DIAPH2: variants seen among roughly 807,000 people sequenced by gnomAD.
DIAPH2 encodes protein diaphanous homolog 2.
Under a neutral mutation model 92.7 loss-of-function variants are expected in DIAPH2, and 35 were observed. The ratio of observed to expected loss-of-function variants is 0.38; its 90% CI spans 0.29 to 0.50. The LOEUF is 0.50. Among genes scored for constraint, DIAPH2 ranks in the 20% least tolerant of loss-of-function variants. DIAPH2 has a pLI of 0.94. For missense variants in DIAPH2, 701 were observed against 819.5 expected (o/e 0.86, Z 1.77); for synonymous variants, 301 against 280.4 (o/e 1.07, Z -0.73).
At chrX:97,246,200 C>T (rs1365112025) in intron 22 of DIAPH2, among the ~76,000 whole-genome samples, 1 of 110,336 alleles carries the variant, frequency 9.1e-6, no homozygotes, top group Middle Eastern at 4.2e-3. Flanking sequence ...AGGTGTGAGC[C>T]ACCGCGCTCG....
In DIAPH2 at chrX:97,264,119, C is replaced by T. The variant is rs201523526; in HGVS notation, c.2844+16280C>T. Among the ~76,000 whole-genome samples, 28 of 109,722 alleles carry T rather than the reference C, an allele frequency of 2.6e-4. No individual in the cohort carries two copies. The East Asian group carries it at 3.4e-3, about 13-fold the overall frequency. ...TGTATTTTTTGTAAAGATGGGGTTT[C>T]GCCATGTTGCCCAGGCTGGCCAACT... On this transcript the variant is annotated intron_variant, in intron 23 of 26. Transcript: ENST00000324765.
chrX:96,732,451 A>T (rs888624082), intron 1 of DIAPH2, among the ~76,000 whole-genome samples: 5 of 111,916 alleles, frequency 4.5e-5, no homozygotes, highest in Admixed American at 2.9e-4. Context: ...TTTAAATAGT[A>T]TTATATTTAT....
At chrX:97,101,170 G>T (rs964065203) in intron 20 of DIAPH2, among the ~76,000 whole-genome samples, 1 of 111,016 alleles carries the variant, frequency 9.0e-6, no homozygotes, top group Non-Finnish European at 1.9e-5. Flanking sequence ...TGAAGCAAGG[G>T]TATATACCCT....
intron 25 of DIAPH2, among the ~76,000 whole-genome samples, chrX:97,404,867 CAG>C (rs1042970339): frequency 8.9e-6 from 1 of 112,173 alleles, no homozygotes; most frequent in Non-Finnish European, 1.9e-5. Context: ...TTCTAATACA[CAG>C]AAATAAAATT....
intron 4 of DIAPH2, among the ~76,000 whole-genome samples, chrX:96,821,598 A>T (rs977266488): frequency 1.9e-4 from 21 of 112,300 alleles, no homozygotes; most frequent in African/African-American, 6.8e-4. Flanking sequence ...ATAAAGTGAA[A>T]TCTCTAAAGA....
At chrX:97,459,753 C>T (rs774710661) in intron 26 of DIAPH2, among the ~76,000 whole-genome samples, 16 of 111,349 alleles carry the variant, frequency 1.4e-4, no homozygotes, top group Non-Finnish European at 3.0e-4. Context: ...TAATAGAGCT[C>T]ATAAGTGATG....
chrX:97,531,665 T>G (rs777716029), intron 26 of DIAPH2, among the ~76,000 whole-genome samples: 1 of 112,348 alleles, frequency 8.9e-6, no homozygotes, highest in East Asian at 2.8e-4. Context: ...TTTTTAGGAT[T>G]GAAAGAAATA....
At position 97,386,870 on chromosome X, in the gene DIAPH2, GTGCCATGGTAGTT is replaced by G. The variant is rs1218313283; in HGVS notation, c.3145+2830_3145+2842del. 6.7e-4 allele frequency among the ~76,000 whole-genome samples: 71 copies of G among 105,739 alleles called. 1 individual carries two copies. The highest frequency in any genetic ancestry group is 2.4e-3 in the African/African-American group (70 of 28,797). The allele number at this position is 105,739 out of a possible 115,157, so 91.8% of individuals were successfully genotyped here. A position where few individuals can be genotyped will look rare whatever the true frequency, so the allele number is the denominator to read the frequency against. On this transcript the variant is annotated intron_variant, in intron 25 of 26. Transcript: ENST00000324765. ...GCAGTTTTGTTACATAGGTATACAC[GTGCCATGGTAGTT>G]TGCTGCACCCATCAACCCATCATCT... is the stretch of plus-strand genomic sequence containing the variant.
intron 22 of DIAPH2, among the ~76,000 whole-genome samples, chrX:97,175,581 A>C (rs1431468902): frequency 8.9e-6 from 1 of 111,914 alleles, no homozygotes; most frequent in East Asian, 2.8e-4. Context: ...CCTGAATGGC[A>C]AACTATATTA....
intron 21 of DIAPH2, among the ~76,000 whole-genome samples, chrX:97,125,919 C>T (rs1318614848): frequency 9.0e-6 from 1 of 111,445 alleles, no homozygotes; most frequent in Non-Finnish European, 1.9e-5. Flanking sequence ...TCAGGAGCAG[C>T]AATAAGCATT....
intron 24 of DIAPH2, among the ~76,000 whole-genome samples, chrX:97,367,223 G>A (rs1602539305): frequency 9.0e-6 from 1 of 111,531 alleles, no homozygotes; most frequent in Admixed American, 9.6e-5. Flanking sequence ...TAAAGGAAAG[G>A]GCAGTAGATC....
intron 17 of DIAPH2, among the ~76,000 whole-genome samples, chrX:97,048,181 C>G (rs1016194364): frequency 9.0e-6 from 1 of 110,517 alleles, no homozygotes; most frequent in Non-Finnish European, 1.9e-5. Flanking sequence ...TCCTTTTTCT[C>G]CTTCTCTCTT....
chrX:97,269,332 A>C (rs994926807), intron 23 of DIAPH2, among the ~76,000 whole-genome samples: 2 of 112,289 alleles, frequency 1.8e-5, no homozygotes, highest in African/African-American at 6.5e-5. Context: ...AAGAGGAAGC[A>C]ATGAACTCTG....
chrX:96,929,149 C>T (rs1477291033), intron 9 of DIAPH2, among the ~76,000 whole-genome samples: 1 of 111,483 alleles, frequency 9.0e-6, no homozygotes, highest in Non-Finnish European at 1.9e-5. Context: ...TGTAACATAA[C>T]AAGAGTCATT....
chrX:96,751,291 T>G (rs1360184236), intron 3 of DIAPH2, among the ~76,000 whole-genome samples: 2 of 110,939 alleles, frequency 1.8e-5, no homozygotes, highest in Non-Finnish European at 3.8e-5. Flanking sequence ...TTAAAAACAT[T>G]ATAGGCTGGG....
intron 4 of DIAPH2, among the ~76,000 whole-genome samples, chrX:96,806,660 A>AAAAG (rs2064628002): frequency 9.5e-6 from 1 of 104,967 alleles, no homozygotes; most frequent in Non-Finnish European, 1.9e-5. Flanking sequence ...AAAAAAAAAA[A>AAAAG]AAAAGAAACA....
chrX:96,888,577 A>ATATCTATATC (rs1248900762), intron 5 of DIAPH2, among the ~76,000 whole-genome samples: 3 of 96,998 alleles, frequency 3.1e-5, no homozygotes, highest in Non-Finnish European at 6.1e-5. Flanking sequence ...ACAGATATAT[A>ATATCTATATC]TATCTATATA....
intron 17 of DIAPH2, among the ~76,000 whole-genome samples, chrX:96,970,160 A>G (rs1018116914): frequency 9.0e-6 from 1 of 111,208 alleles, no homozygotes; most frequent in East Asian, 2.8e-4. Context: ...TTCATTAGAG[A>G]TAGTGGCCTG....
chrX:97,203,038 G>A (rs752762857), intron 22 of DIAPH2, among the ~76,000 whole-genome samples: 5 of 112,088 alleles, frequency 4.5e-5, no homozygotes, highest in South Asian at 3.7e-4. Flanking sequence ...ACACGACTAC[G>A]TGGAAATCGT....
Sources: gnomAD v4.1 joint callset for allele counts (sites outside exome capture counted in the v4.1 genomes callset) on GRCh38, gnomAD v4.1.1 for gene constraint, MANE v1.5 for transcripts, NCBI Gene and HGNC (gene_info 2026-07-23, HGNC 2026-07-21) for gene names.